DYNC1I2: variants seen among roughly 807,000 people sequenced by gnomAD.
DYNC1I2 encodes the protein cytoplasmic dynein 1 intermediate chain 2.
In DYNC1I2, 53 loss-of-function variants were observed where a neutral mutation model predicts 88.6. The observed-to-expected ratio is 0.60, with a 90% CI of 0.48 to 0.75. DYNC1I2 has a LOEUF of 0.75. DYNC1I2 is among the 30% of genes least tolerant of loss of function. DYNC1I2 has a pLI of 0.00. For missense variants in DYNC1I2, 458 were observed against 766.6 expected (o/e 0.60, Z 4.75); for synonymous variants, 198 against 254.6 (o/e 0.78, Z 2.12).
intron 14 of DYNC1I2, among the ~76,000 whole-genome samples, chr2:171,729,084 C>A (rs1293028519): frequency 6.6e-6 from 1 of 152,016 alleles, no homozygotes; most frequent in Non-Finnish European, 1.5e-5. Flanking sequence ...CATGTACTCA[C>A]GTAAGTTAGT....
chr2:171,706,638 G>A lies in DYNC1I2; in HGVS notation c.244+74G>A, dbSNP rs756452817. On this transcript the variant is annotated intron_variant, in intron 4 of 17. Transcript: ENST00000397119. Reference sequence around the variant, plus strand: ...TTATGTTATGCATAATGTCTAGAAGGCATGCTGTTTTATTGCCTGTTTGCA... The same window carrying A: ...TTATGTTATGCATAATGTCTAGAAGACATGCTGTTTTATTGCCTGTTTGCA... The A allele has an allele frequency of 8.5e-5, 119 of 1,402,004 alleles. 1 individual carries two copies. Among genetic ancestry groups the A allele is most frequent in the South Asian group, 1.9e-4 (16 of 82,426 alleles). The allele number at this position is 1,402,004 out of a possible 1,614,324, so 86.8% of individuals were successfully genotyped here.
At chr2:171,743,588 T>G (rs1689591254) in intron 15 of DYNC1I2, among the ~76,000 whole-genome samples, 1 of 152,196 alleles carries the variant, frequency 6.6e-6, no homozygotes, top group Non-Finnish European at 1.5e-5. Flanking sequence ...ATGCAAGTCT[T>G]GTAGTTGTGA....
At chr2:171,689,435 C>A (rs1273381361) in intron 1 of DYNC1I2, among the ~76,000 whole-genome samples, 3 of 152,088 alleles carry the variant, frequency 2.0e-5, no homozygotes, top group Non-Finnish European at 4.4e-5. Flanking sequence ...TCTATGAATG[C>A]AATAGAATTG....
At chr2:171,736,214 G>T (rs1574623654) in intron 15 of DYNC1I2, among the ~76,000 whole-genome samples, 1 of 152,126 alleles carries the variant, frequency 6.6e-6, no homozygotes, top group East Asian at 1.9e-4. Flanking sequence ...CTGGACCGAG[G>T]CCTGCGCAGC....
At chr2:171,700,733 G>A (rs529391143) in intron 3 of DYNC1I2, among the ~76,000 whole-genome samples, 6 of 152,120 alleles carry the variant, frequency 3.9e-5, no homozygotes, top group South Asian at 4.1e-4. Flanking sequence ...CTGGGTTCCC[G>A]CCATTCTCCT....
At chr2:171,737,470 C>T (rs370846021) in intron 15 of DYNC1I2, among the ~76,000 whole-genome samples, 10 of 152,226 alleles carry the variant, frequency 6.6e-5, no homozygotes, top group East Asian at 5.8e-4. Context: ...CAGGCTGGAG[C>T]GCAGTGGGGT....
intron 3 of DYNC1I2, among the ~76,000 whole-genome samples, chr2:171,702,193 C>G (rs1207328522): frequency 5.3e-5 from 8 of 152,316 alleles, no homozygotes; most frequent in African/African-American, 1.7e-4. Flanking sequence ...AAGGTTAACA[C>G]TGTATTTAGA....
intron 16 of DYNC1I2, 88 bp from the exon 17 acceptor site, chr2:171,745,714 C>T (rs1276134884): frequency 1.5e-6 from 2 of 1,371,490 alleles, no homozygotes; most frequent in African/African-American, 2.9e-5. Flanking sequence ...AAAAATGTAG[C>T]CAGCTTGAGA....
chr2:171,712,741 T>A, intron 5 of DYNC1I2, 26 bp from the exon 6 acceptor site: 2 of 1,598,960 alleles, frequency 1.3e-6, no homozygotes, highest in Non-Finnish European at 1.7e-6. Context: ...TTGCTAATGC[T>A]TCATGGTTGT....
chr2:171,733,186 T>C (rs1396291730), intron 15 of DYNC1I2, among the ~76,000 whole-genome samples: 1 of 152,262 alleles, frequency 6.6e-6, no homozygotes, highest in Non-Finnish European at 1.5e-5. Flanking sequence ...TTCCTTCTTA[T>C]GGCTTCGTAG....
chr2:171,732,598 A>C (rs1312599485), intron 15 of DYNC1I2, among the ~76,000 whole-genome samples: 1 of 152,168 alleles, frequency 6.6e-6, no homozygotes. Context: ...TTAAGTGAGG[A>C]CTTACTGTAT....
intron 13 of DYNC1I2, 134 bp downstream of exon 13, chr2:171,728,552 A>AT: frequency 1.2e-6 from 1 of 810,534 alleles, no homozygotes; most frequent in South Asian, 2.3e-5. Flanking sequence ...CGTGTTTAAT[A>AT]TAAGTTTGTT....
At chr2:171,688,571 A>T (rs973385918) in intron 1 of DYNC1I2, 3 of 152,222 alleles carry the variant, frequency 2.0e-5, no homozygotes, top group Non-Finnish European at 4.4e-5. Context: ...AGGTGTAGAA[A>T]GAGTGGAATA....
intron 7 of DYNC1I2, among the ~76,000 whole-genome samples, chr2:171,723,909 G>C (rs754019453): frequency 6.6e-6 from 1 of 152,218 alleles, no homozygotes; most frequent in African/African-American, 2.4e-5. Flanking sequence ...TTGGCAGGTT[G>C]ATTGCTCTGG....
chr2:171,733,514 C>T (rs1368996281), intron 15 of DYNC1I2, among the ~76,000 whole-genome samples: 5 of 104,458 alleles, frequency 4.8e-5, no homozygotes, highest in African/African-American at 1.4e-4. Flanking sequence ...GTCATTCTGA[C>T]TGGTGTGAGA....
At chr2:171,714,784 A>T (rs1404371139) in intron 6 of DYNC1I2, among the ~76,000 whole-genome samples, 1 of 152,190 alleles carries the variant, frequency 6.6e-6, no homozygotes, top group African/African-American at 2.4e-5. Flanking sequence ...TTAGAGATTT[A>T]AAAGTTTTAA....
chr2:171,722,296 C>G (rs1015472778), intron 7 of DYNC1I2, among the ~76,000 whole-genome samples: 1 of 152,126 alleles, frequency 6.6e-6, no homozygotes, highest in Non-Finnish European at 1.5e-5. Flanking sequence ...AGTAAAAATT[C>G]AGTGGTTCAT....
chr2:171,711,138 G>A (rs920163069), intron 5 of DYNC1I2, among the ~76,000 whole-genome samples: 2 of 151,496 alleles, frequency 1.3e-5, no homozygotes, highest in African/African-American at 4.9e-5. Context: ...TTGTCCTTGT[G>A]ATAGTTTGCT....
At chr2:171,717,913 A>G (rs1195204929) in intron 7 of DYNC1I2, among the ~76,000 whole-genome samples, 1 of 152,000 alleles carries the variant, frequency 6.6e-6, no homozygotes, top group Non-Finnish European at 1.5e-5. Context: ...TATTTTGAGT[A>G]ATGCCTATTA....
Sources: gnomAD v4.1 joint callset for allele counts (sites outside exome capture counted in the v4.1 genomes callset) on GRCh38, gnomAD v4.1.1 for gene constraint, MANE v1.5 for transcripts, NCBI Gene and HGNC (gene_info 2026-07-23, HGNC 2026-07-21) for gene names.